CEP70: variants seen among roughly 807,000 people sequenced by gnomAD.
The protein encoded by CEP70 is centrosomal protein 70, also known as centrosomal protein of 70 kDa.
A neutral mutation model predicts 90.9 loss-of-function variants in CEP70; 70 were observed. The ratio of observed to expected loss-of-function variants is 0.77; its 90% CI spans 0.64 to 0.94. The LOEUF is 0.94. CEP70 is among the 40% of genes least tolerant of loss of function. The pLI, the probability that CEP70 is intolerant of heterozygous loss-of-function variation, is 0.00. For missense variants in CEP70, 648 were observed against 669.0 expected (o/e 0.97, Z 0.35); for synonymous variants, 220 against 228.3 (o/e 0.96, Z 0.33).
intron 6 of CEP70, among the ~76,000 whole-genome samples, chr3:138,543,203 C>T (rs1052547358): frequency 6.6e-6 from 1 of 152,192 alleles, no homozygotes; most frequent in Non-Finnish European, 1.5e-5. Flanking sequence ...CTACCTCTCA[C>T]CACCATCAAC....
chr3:138,539,134 G>A lies in CEP70; in HGVS notation c.466-1787C>T, dbSNP rs373559834. On this transcript the variant is annotated intron_variant, in intron 6 of 17. Coordinates refer to ENST00000264982, the MANE Select transcript of CEP70 (RefSeq NM_024491.4). ...TTCAAGTGATTCTCCTGCCTCACCC[G>A]AGTTGCTAGGATTACCATCACACCT... Among the ~76,000 whole-genome samples, 73 of 152,114 alleles carry A rather than the reference G, an allele frequency of 4.8e-4. 1 individual carries two copies. The highest frequency in any genetic ancestry group is 1.7e-3 in the African/African-American group (71 of 41,496).
intron 2 of CEP70, among the ~76,000 whole-genome samples, chr3:138,575,287 C>T (rs1407430800): frequency 2.0e-5 from 3 of 152,094 alleles, no homozygotes; most frequent in East Asian, 1.9e-4. Context: ...AACCATGGCA[C>T]GAGAACTATG....
At chr3:138,503,467 A>AGT (rs2034699442) in intron 13 of CEP70, among the ~76,000 whole-genome samples, 1 of 152,126 alleles carries the variant, frequency 6.6e-6, no homozygotes, top group African/African-American at 2.4e-5. Context: ...GAGGGAAAAA[A>AGT]CTAATCTGGG....
intron 11 of CEP70, among the ~76,000 whole-genome samples, chr3:138,516,811 C>T (rs570360533): frequency 1.3e-5 from 2 of 152,316 alleles, no homozygotes; most frequent in East Asian, 3.9e-4. Context: ...TATGCTAATA[C>T]AACTGACTTA....
chr3:138,559,133 A>G (rs894479117), intron 6 of CEP70, among the ~76,000 whole-genome samples: 1 of 152,200 alleles, frequency 6.6e-6, no homozygotes, highest in Admixed American at 6.5e-5. Flanking sequence ...GACACTAGAA[A>G]TTCTAAAACT....
chr3:138,552,131 C>T (rs1304077077), intron 6 of CEP70, among the ~76,000 whole-genome samples: 1 of 152,006 alleles, frequency 6.6e-6, no homozygotes. Context: ...TATCACAATC[C>T]TAAATATATA....
At chr3:138,546,410 C>T (rs796900071) in intron 6 of CEP70, among the ~76,000 whole-genome samples, 8 of 152,304 alleles carry the variant, frequency 5.3e-5, no homozygotes, top group African/African-American at 1.9e-4. Flanking sequence ...TCCCCTTATT[C>T]TCTAGCTTCT....
At chr3:138,520,970 G>A (rs2036561893) in intron 11 of CEP70, among the ~76,000 whole-genome samples, 1 of 152,164 alleles carries the variant, frequency 6.6e-6, no homozygotes, top group Admixed American at 6.5e-5. Flanking sequence ...TGCCACGCCT[G>A]ACTGGTTTTT....
chr3:138,572,041 G>A (rs1421075464), intron 3 of CEP70, among the ~76,000 whole-genome samples: 1 of 149,566 alleles, frequency 6.7e-6, no homozygotes, highest in Non-Finnish European at 1.5e-5. Flanking sequence ...GCCTCCCAAA[G>A]TGCTGAGATT....
At chr3:138,527,164 G>A (rs956410399) in intron 10 of CEP70, among the ~76,000 whole-genome samples, 2 of 151,634 alleles carry the variant, frequency 1.3e-5, no homozygotes, top group Non-Finnish European at 2.9e-5. Context: ...AACTTTTAGA[G>A]TTTTTTGTTT....
At chr3:138,574,449 T>C (rs2085446) in intron 2 of CEP70, among the ~76,000 whole-genome samples, 10,831 of 152,232 alleles carry the variant, frequency 0.071, 786 homozygotes, top group East Asian at 0.38. Flanking sequence ...AAGCTTGAAC[T>C]GGGTAGAGCC....
chr3:138,518,179 G>T (rs1363179658), intron 11 of CEP70, among the ~76,000 whole-genome samples: 4 of 152,212 alleles, frequency 2.6e-5, no homozygotes, highest in Non-Finnish European at 5.9e-5. Flanking sequence ...AAACAAAGCG[G>T]CCAGGAAGCT....
At chr3:138,589,944 A>G (rs915679102) in intron 2 of CEP70, among the ~76,000 whole-genome samples, 2 of 152,346 alleles carry the variant, frequency 1.3e-5, no homozygotes, top group East Asian at 1.9e-4. Flanking sequence ...AGCTTCAGGT[A>G]GCCAAAATGC....
rs1235796858 is a variant in CEP70 at position 138,571,266 on chromosome 3, C to T, written c.160G>A (p.Asp54Asn). Residue 54 changes from aspartate (D) to asparagine (N), a missense_variant and splice_region_variant, in exon 4 of 18, where the codon GAT (aspartate) becomes AAT (asparagine). Asp to Asn is a conservative substitution (Grantham distance 23, BLOSUM62 1). Coordinates refer to ENST00000264982, the MANE Select transcript of CEP70 (RefSeq NM_024491.4). ...LSLVKRTDLK[D>N]LIIFDKQSSQ... is the part of the protein sequence containing the mutation. ...AGCATCAAGAATAGGATCTAATTAC[C>T]TTTGAGATCTGTTCTTTTGACTAGA... The T allele has an allele frequency of 6.2e-7, 1 of 1,601,770 alleles. No homozygotes were observed.
At chr3:138,567,851 G>GT (rs2040893504) in intron 6 of CEP70, among the ~76,000 whole-genome samples, 1 of 152,088 alleles carries the variant, frequency 6.6e-6, no homozygotes, top group Non-Finnish European at 1.5e-5. Context: ...TCACTTGTTA[G>GT]TTTTTTGTTA....
chr3:138,568,696 C>A (rs2040948019), intron 6 of CEP70, among the ~76,000 whole-genome samples: 1 of 152,052 alleles, frequency 6.6e-6, no homozygotes, highest in Admixed American at 6.6e-5. Flanking sequence ...CAAAGCCAAC[C>A]TAGGCCGGGC....
At chr3:138,498,881 TA>T (rs2034207804) in intron 16 of CEP70, among the ~76,000 whole-genome samples, 2 of 151,524 alleles carry the variant, frequency 1.3e-5, no homozygotes, top group South Asian at 4.2e-4. Flanking sequence ...ACCCCACGTC[TA>T]CTAAAGTACA....
At chr3:138,579,231 C>T (rs550211066) in intron 2 of CEP70, among the ~76,000 whole-genome samples, 1 of 152,132 alleles carries the variant, frequency 6.6e-6, no homozygotes, top group Non-Finnish European at 1.5e-5. Context: ...GCAAGCCTTG[C>T]CAACGTGAGT....
chr3:138,533,952 T>C (rs2038051325), intron 7 of CEP70, among the ~76,000 whole-genome samples: 1 of 151,958 alleles, frequency 6.6e-6, no homozygotes, highest in African/African-American at 2.4e-5. Context: ...GCCCAGCTAA[T>C]TTTTTGTATT....
Sources: allele counts gnomAD v4.1 joint callset (sites outside exome capture counted in the v4.1 genomes callset), GRCh38; gene constraint gnomAD v4.1.1; transcripts MANE v1.5; gene names NCBI Gene and HGNC (gene_info 2026-07-23, HGNC 2026-07-21).